Variants in CYGB observed in about 807,000 individuals in gnomAD.
The protein encoded by CYGB is histoglobin.
In CYGB, 13 loss-of-function variants were observed where a neutral mutation model predicts 20.7. The ratio of observed to expected loss-of-function variants is 0.63; its 90% CI spans 0.41 to 1.00. The LOEUF is 1.00. CYGB is among the 50% of genes least tolerant of loss of function. The pLI, the probability that CYGB is intolerant of heterozygous loss-of-function variation, is 0.00. For missense variants in CYGB, 218 were observed against 257.2 expected, an observed-to-expected ratio of 0.85 and a Z score of 1.04; for synonymous variants, 93 against 107.4, an observed-to-expected ratio of 0.87 and a Z score of 0.83.
At chr17:76,529,543 C>T (rs1044819759) in intron 3 of CYGB, 3 of 985,220 alleles carry the variant, frequency 3.0e-6, no homozygotes, top group Admixed American at 6.1e-5. Context: ...TTTCCAGTCT[C>T]TCTTGGCCCT....
chr17:76,540,466 A>G, upstream of CYGB: 1 of 1,605,274 alleles, frequency 6.2e-7, no homozygotes, highest in Non-Finnish European at 8.5e-7. The surrounding 1 kb of genome is among the most constrained non-coding windows in gnomAD (Gnocchi z 5.0). Context: ...GGGGCTGGGC[A>G]CAGCCATAGC....
rs981623884 is a variant in CYGB, at chr17:76,535,668, G to A, written c.143+1732C>T. Among the ~76,000 whole-genome samples the A allele has an allele frequency of 5.9e-5, 9 of 152,168 alleles. 1 individual carries two copies. The highest frequency in any genetic ancestry group is 3.9e-4 in the Admixed American group (6 of 15,290). On this transcript the variant is annotated intron_variant, in intron 1 of 3. Transcript: ENST00000293230. ...GGCCCCTCTAAGAGACAGGAGTGGG[G>A]AACTGGAAGAGGGGTGTAGAGAGAG...
Position 76,535,484 on chromosome 17 carries a change from G to C in CYGB, c.143+1916C>G, listed in dbSNP as rs150044095. Among the ~76,000 whole-genome samples, 654 of 152,268 alleles carry C rather than the reference G, an allele frequency of 4.3e-3. 9 individuals carry two copies. The highest frequency in any genetic ancestry group is 0.015 in the African/African-American group (628 of 41,538). ...CAGGAGGAGAGAAAAAGGAAAGCAAGGCCCTGTGGGGCTTGGGCTGGCAGG... is the reference window on the plus strand; with the variant it reads ...CAGGAGGAGAGAAAAAGGAAAGCAACGCCCTGTGGGGCTTGGGCTGGCAGG... On this transcript the variant is annotated intron_variant, in intron 1 of 3. Transcript: ENST00000293230.
intron 1 of CYGB, among the ~76,000 whole-genome samples, chr17:76,536,026 T>C (rs2074909622): frequency 6.6e-6 from 1 of 152,184 alleles, no homozygotes; most frequent in Non-Finnish European, 1.5e-5. Context: ...GCGGCTCTGC[T>C]ACCCACAATG....
rs1312015753 is a variant in CYGB at position 76,530,373 on chromosome 17, G to A, written c.539+606C>T. Among the ~76,000 whole-genome samples, 1 of 152,104 alleles carries A rather than the reference G, an allele frequency of 6.6e-6. No individual in the cohort carries two copies. The highest frequency in any genetic ancestry group is 1.5e-5 in the Non-Finnish European group (1 of 67,996). On this transcript the variant is annotated intron_variant, in intron 3 of 3. Transcript: ENST00000293230. The surrounding 1 kb of genome is among the most constrained non-coding windows in gnomAD (Gnocchi z 6.1). ...GGCCACCCTCCTTGAGCCACCTCCT[G>A]GGCCCAGAACTGGAAGCCCAGCCTC...
Position 76,530,359 on chromosome 17 carries a change from T to C in CYGB, c.539+620A>G, listed in dbSNP as rs182629711. Among the ~76,000 whole-genome samples the C allele has an allele frequency of 4.0e-4, 61 of 152,170 alleles. No individual in the cohort carries two copies. Among genetic ancestry groups the C allele is most frequent in the Middle Eastern group, 3.4e-3 (1 of 294 alleles). On this transcript the variant is annotated intron_variant, in intron 3 of 3. Coordinates refer to ENST00000293230, the MANE Select transcript of CYGB (RefSeq NM_134268.5). This position sits in a 1 kb window ranked among gnomAD's most constrained non-coding sequence, Gnocchi z 6.1. The stretch of plus-strand genomic sequence containing the variant: ...GAGTCACAGAGGGCGGCCACCCTCC[T>C]TGAGCCACCTCCTGGGCCCAGAACT...
At chr17:76,529,532 CT>C in intron 3 of CYGB, 3 of 985,466 alleles carry the variant, frequency 3.0e-6, no homozygotes, top group Non-Finnish European at 3.6e-6. Context: ...AGCCAGCTCT[CT>C]TTCCAGTCTC....
chr17:76,544,903 T>G (rs545553723), intron 1 of CYGB: 1 of 456,782 alleles, frequency 2.2e-6, no homozygotes, highest in South Asian at 1.5e-5. Flanking sequence ...TCCACGCCAC[T>G]GTTCCGAGAA....
At chr17:76,538,467 G>A (rs1445275266), upstream of CYGB, 1 of 465,126 alleles carries the variant, frequency 2.1e-6, no homozygotes, top group South Asian at 1.6e-5. Context: ...CGCGGCGGCG[G>A]CGGCCAGAAG....
rs1348014627 is a variant in CYGB at position 76,530,108 on chromosome 17, G to A, written c.539+871C>T. 1 of 983,282 alleles carries A rather than the reference G, an allele frequency of 1.0e-6. No homozygotes were observed. The highest frequency in any genetic ancestry group is 1.2e-6 in the Non-Finnish European group (1 of 829,466). The allele number at this position is 983,282 out of a possible 1,614,324, so 60.9% of individuals were successfully genotyped here. A position where few individuals can be genotyped will look rare whatever the true frequency, so the allele number is the denominator to read the frequency against. On this transcript the variant is annotated intron_variant, in intron 3 of 3. Coordinates refer to ENST00000293230, the MANE Select transcript of CYGB (RefSeq NM_134268.5). The surrounding 1 kb of genome is among the most constrained non-coding windows in gnomAD (Gnocchi z 6.1). ...TTTTCCATGGGAAACTGCTGGGAAT[G>A]TTTCTCTACCACGGGAATGTTTCTC...
At chr17:76,544,611 G>A (rs2143178270) in intron 1 of CYGB, 1 of 456,766 alleles carries the variant, frequency 2.2e-6, no homozygotes, top group Middle Eastern at 3.3e-4. Flanking sequence ...GTGAGCCCGT[G>A]ATCGCCTGTC....
chr17:76,548,081 C>G (rs968564204), intron 1 of CYGB, among the ~76,000 whole-genome samples: 3 of 151,996 alleles, frequency 2.0e-5, no homozygotes, highest in African/African-American at 7.2e-5. Context: ...CATGTACACA[C>G]ACAAATAAAA....
intron 1 of CYGB, among the ~76,000 whole-genome samples, chr17:76,548,090 AACAG>A (rs1226823657): frequency 6.6e-6 from 1 of 152,034 alleles, no homozygotes; most frequent in African/African-American, 2.4e-5. Flanking sequence ...ACACAAATAA[AACAG>A]ACACACAGAA....
In CYGB at chr17:76,531,325, G is replaced by C. The variant is rs552555337; in HGVS notation, c.375+135C>G. On this transcript the variant is annotated intron_variant, in intron 2 of 3. Coordinates refer to ENST00000293230, the MANE Select transcript of CYGB (RefSeq NM_134268.5). The surrounding 1 kb of genome is among the most constrained non-coding windows in gnomAD (Gnocchi z 7.4). Reference sequence around the variant, plus strand: ...GACCCAGCCCCTCCATCCTGCTGCCGGGCACTGCCCCTCCCTCTCGCAGCC... The same window carrying C: ...GACCCAGCCCCTCCATCCTGCTGCCCGGCACTGCCCCTCCCTCTCGCAGCC... The C allele has an allele frequency of 1.8e-5, 22 of 1,246,850 alleles. No homozygotes were observed. The African/African-American group carries it at 2.2e-4, about 13-fold the overall frequency. 77.2% of individuals were successfully genotyped at this position (1,246,850 alleles called of 1,614,324 possible).
rs1378828129 is a variant in CYGB at position 76,546,683 on chromosome 17, A to G, written c.-53+4179T>C. ...AAGATAATGCTTCTTTGTGAACCTCAGAAGAACAGTTTGGTTCGCACGGAA... is the reference window on the plus strand; with the variant it reads ...AAGATAATGCTTCTTTGTGAACCTCGGAAGAACAGTTTGGTTCGCACGGAA... On this transcript the variant is annotated intron_variant, in intron 1 of 3. Transcript: ENST00000589145. This position sits in a 1 kb window ranked among gnomAD's most constrained non-coding sequence, Gnocchi z 4.5. 5 of 152,244 alleles carry G rather than the reference A, an allele frequency of 3.3e-5. No homozygotes were observed. The highest frequency in any genetic ancestry group is 7.3e-5 in the Non-Finnish European group (5 of 68,042). The allele number at this position is 152,244 out of a possible 1,614,324, so 9.4% of individuals were successfully genotyped here.
rs767251118 is a variant in CYGB, at chr17:76,545,435, T to A, written c.-53+5427A>T. The A allele has an allele frequency of 4.2e-5, 19 of 454,590 alleles. 1 individual carries two copies. The highest frequency in any genetic ancestry group is 2.9e-4 in the South Asian group (19 of 64,414). 28.2% of individuals were successfully genotyped at this position (454,590 alleles called of 1,614,324 possible). The stretch of plus-strand genomic sequence containing the variant: ...CTTGCAAAGAGCCGCTGCTTGGGAA[T>A]GGGAGCAGGAGTGCTCAGGGGCTTG... On this transcript the variant is annotated intron_variant, in intron 1 of 3. Transcript: ENST00000589145.
intron 1 of CYGB, chr17:76,545,088 C>A (rs1172190828): frequency 2.2e-6 from 1 of 454,018 alleles, no homozygotes; most frequent in Admixed American, 2.4e-5. Flanking sequence ...AGGGAGCAGG[C>A]TGGCTTTGGT....
chr17:76,535,059 G>C (rs1447567284), intron 1 of CYGB, among the ~76,000 whole-genome samples: 1 of 152,270 alleles, frequency 6.6e-6, no homozygotes, highest in East Asian at 1.9e-4. Context: ...GAAGGTGTCA[G>C]AGTTACAACC....
intron 1 of CYGB, among the ~76,000 whole-genome samples, chr17:76,548,057 TACAC>T (rs563891616): frequency 2.5e-4 from 37 of 150,934 alleles, no homozygotes; most frequent in East Asian, 9.8e-4. Context: ...TTCACACACA[TACAC>T]ACAGACATAC....
Sources: gnomAD v4.1 joint callset for allele counts (sites outside exome capture counted in the v4.1 genomes callset) on GRCh38, gnomAD v4.1.1 for gene constraint, Gnocchi (gnomAD v3.1) non-coding constraint, MANE v1.5 for transcripts, NCBI Gene and HGNC (gene_info 2026-07-23, HGNC 2026-07-21) for gene names.